Variants in RANBP2 observed in about 807,000 individuals in gnomAD.
RANBP2 encodes the protein RAN binding protein 2.
RANBP2 carries 57 observed loss-of-function variants against 303.6 expected under a neutral mutation model. The ratio of observed to expected loss-of-function variants is 0.19; its 90% CI spans 0.15 to 0.23. The LOEUF is 0.23. Ranked by LOEUF, RANBP2 falls within the 10% of genes least tolerant of loss-of-function variation. The probability of loss-of-function intolerance (pLI) is 1.00; values close to 1 mark genes in which losing one functional copy is unlikely to be tolerated. For synonymous variants in RANBP2, 1,167 were observed against 1,301.5 expected (o/e 0.90, Z 2.23); for missense variants, 3,138 against 3,780.8 (o/e 0.83, Z 4.46).
At chr2:109,086,535 G>A in the RANBP2 span, among the ~76,000 whole-genome samples, 1 of 152,186 alleles carries the variant, frequency 6.6e-6, no homozygotes, top group African/African-American at 2.4e-5. Context: ...TGGCAACCGA[G>A]CTGGGCTGAG....
chr2:109,185,374 A>C, the RANBP2 span, among the ~76,000 whole-genome samples: 1 of 152,252 alleles, frequency 6.6e-6, no homozygotes, highest in Non-Finnish European at 1.5e-5. Context: ...AGAAGAGTGA[A>C]GACAGCTGTG....
chr2:109,133,577 T>A, the RANBP2 span, among the ~76,000 whole-genome samples: 1 of 135,176 alleles, frequency 7.4e-6, no homozygotes, highest in Non-Finnish European at 1.7e-5. Flanking sequence ...AGACTAAGAT[T>A]TTCAAAGGAT....
At chr2:109,190,363 G>A in the RANBP2 span, among the ~76,000 whole-genome samples, 4 of 152,222 alleles carry the variant, frequency 2.6e-5, no homozygotes, top group Non-Finnish European at 5.9e-5. Flanking sequence ...TAGTAGAGAT[G>A]GGGTTTCGCC....
At chr2:108,745,415 C>T (rs1696428560) in intron 7 of RANBP2, among the ~76,000 whole-genome samples, 1 of 147,048 alleles carries the variant, frequency 6.8e-6, no homozygotes, top group Non-Finnish European at 1.5e-5. Flanking sequence ...CATTACTTTT[C>T]AAGATAGCCC....
At chr2:109,129,607 G>C in the RANBP2 span, 11 of 1,481,370 alleles carry the variant, frequency 7.4e-6, no homozygotes, top group Non-Finnish European at 9.8e-6. Flanking sequence ...GAGCGAGGGC[G>C]ACGAGGACAG....
chr2:108,859,078 C>CTTA, the RANBP2 span, among the ~76,000 whole-genome samples: 1 of 151,968 alleles, frequency 6.6e-6, no homozygotes, highest in African/African-American at 2.4e-5. Flanking sequence ...TTCTATTTGA[C>CTTA]TTTAGTAATA....
At chr2:109,524,469 A>AAAAAAAAAAAAAC in the RANBP2 span, among the ~76,000 whole-genome samples, 19 of 80,876 alleles carry the variant, frequency 2.3e-4, 1 homozygote, top group African/African-American at 7.1e-4. Context: ...AAAAAAAACA[A>AAAAAAAAAAAAAC]AACAACACTG....
chr2:109,346,180 G>A, the RANBP2 span, among the ~76,000 whole-genome samples: 1 of 152,032 alleles, frequency 6.6e-6, no homozygotes, highest in Non-Finnish European at 1.5e-5. Flanking sequence ...GGAAGCAAAC[G>A]GATTTTTTTT....
the RANBP2 span, among the ~76,000 whole-genome samples, chr2:109,426,970 A>T: frequency 9.1e-6 from 1 of 109,812 alleles, no homozygotes; most frequent in East Asian, 2.4e-4. Flanking sequence ...TAAAATATAT[A>T]TATATATATT....
At chr2:109,640,097 A>AT in the RANBP2 span, among the ~76,000 whole-genome samples, 187 of 145,918 alleles carry the variant, frequency 1.3e-3, no homozygotes, top group Admixed American at 1.7e-3. Context: ...TCTGCCTTCT[A>AT]TTTTTTTTTT....
chr2:108,845,713 G>A, the RANBP2 span, among the ~76,000 whole-genome samples: 43 of 151,672 alleles, frequency 2.8e-4, no homozygotes, highest in Non-Finnish European at 5.3e-4. Flanking sequence ...CTGGGACTAT[G>A]GGCACCCGCC....
chr2:108,961,005 C>T, the RANBP2 span, among the ~76,000 whole-genome samples: 6 of 152,290 alleles, frequency 3.9e-5, no homozygotes, highest in East Asian at 3.9e-4. Flanking sequence ...TAATTATTTC[C>T]TTACAATAGA....
intron 4 of RANBP2, 44 bp downstream of exon 4, chr2:108,731,518 A>G: frequency 1.2e-6 from 2 of 1,608,934 alleles, no homozygotes; most frequent in African/African-American, 1.3e-5. Flanking sequence ...AGACATAACC[A>G]TTTCTAATAT....
rs1677253246 is a variant in RANBP2, at chr2:108,768,292, A to G, written c.7753A>G (p.Ile2585Val). 1.9e-6 allele frequency: 3 copies of G among 1,611,932 alleles called. No individual in the cohort carries two copies. Among genetic ancestry groups the G allele is most frequent in the Admixed American group, 3.3e-5 (2 of 60,006 alleles). ...KKCELSKNSD[I>V]EQSSDSKVKN... ...ATGTGAACTGTCAAAGAACTCTGAT[A>G]TCGAACAGTCTTCAGATAGCAAAGT... Residue 2585 changes from isoleucine (I) to valine (V), a missense_variant, in exon 20 of 29, where the codon ATC becomes GTC. Around this residue, in one of 20 missense-constraint regions of RANBP2, gnomAD observed 497 missense variants for 465.8 expected, o/e 1.07. Transcript: ENST00000283195.
chr2:109,566,549 T>C, the RANBP2 span, among the ~76,000 whole-genome samples: 1 of 152,136 alleles, frequency 6.6e-6, no homozygotes, highest in African/African-American at 2.4e-5. Flanking sequence ...TGTATTCCTA[T>C]TGTTTGTGTG....
the RANBP2 span, chr2:108,812,865 C>G: frequency 1.2e-6 from 2 of 1,613,338 alleles, no homozygotes; most frequent in African/African-American, 2.7e-5. Flanking sequence ...AGGAAGTTCC[C>G]ATGCTGTTCA....
chr2:109,185,928 G>GGCCCTGT, the RANBP2 span, among the ~76,000 whole-genome samples: 2 of 151,530 alleles, frequency 1.3e-5, no homozygotes, highest in African/African-American at 4.9e-5. Flanking sequence ...TGGGACGGCT[G>GGCCCTGT]GCCCTGTGCC....
At chr2:108,996,378 C>A in the RANBP2 span, among the ~76,000 whole-genome samples, 2 of 152,302 alleles carry the variant, frequency 1.3e-5, no homozygotes, top group African/African-American at 4.8e-5. Context: ...AGAGAGCTCT[C>A]CTCTACTCAT....
chr2:108,966,375 C>G, the RANBP2 span, among the ~76,000 whole-genome samples: 1 of 152,206 alleles, frequency 6.6e-6, no homozygotes, highest in Non-Finnish European at 1.5e-5. Context: ...CCCTTCAAAG[C>G]CTTAAGAAAT....
Sources: allele counts gnomAD v4.1 joint callset (sites outside exome capture counted in the v4.1 genomes callset), GRCh38; gene constraint gnomAD v4.1.1; regional missense constraint gnomAD v4.1.1; transcripts MANE v1.5; gene names NCBI Gene and HGNC (gene_info 2026-07-23, HGNC 2026-07-21).